Variants in EXOC4 observed in about 807,000 individuals in gnomAD.
EXOC4 encodes SEC8-like 1.
A neutral mutation model predicts 107.2 loss-of-function variants in EXOC4; 71 were observed. The observed-to-expected ratio is 0.66, with a 90% CI of 0.55 to 0.81. The LOEUF is 0.81. EXOC4 is among the 30% of genes least tolerant of loss of function. The pLI, the probability that EXOC4 is intolerant of heterozygous loss-of-function variation, is 0.00. For synonymous variants in EXOC4, 456 were observed against 441.2 expected (o/e 1.03, Z -0.42); for missense variants, 1,108 against 1,189.6 (o/e 0.93, Z 1.01).
intron 11 of EXOC4, among the ~76,000 whole-genome samples, chr7:133,862,497 A>G (rs1798555865): frequency 6.6e-6 from 1 of 152,144 alleles, no homozygotes; most frequent in African/African-American, 2.4e-5. Flanking sequence ...GGCGGGGAAA[A>G]AAAAAGAGCC....
At chr7:133,911,614 G>T (rs184767775) in intron 12 of EXOC4, among the ~76,000 whole-genome samples, 1 of 152,130 alleles carries the variant, frequency 6.6e-6, no homozygotes. Flanking sequence ...AAATATGTAA[G>T]TAAATAATGT....
chr7:134,072,701 T>C, the EXOC4 span, among the ~76,000 whole-genome samples: 1 of 152,242 alleles, frequency 6.6e-6, no homozygotes, highest in Non-Finnish European at 1.5e-5. Context: ...AAATGCCCTC[T>C]GTTGCCTCAT....
intron 11 of EXOC4, among the ~76,000 whole-genome samples, chr7:133,879,582 G>A (rs56218460): frequency 0.1 from 15,299 of 152,084 alleles, 859 homozygotes; most frequent in Middle Eastern, 0.17. Flanking sequence ...TGACAAATGA[G>A]TTTTGTCTGA....
chr7:133,274,080 T>G (rs1167155583), intron 1 of EXOC4, among the ~76,000 whole-genome samples: 1 of 152,232 alleles, frequency 6.6e-6, no homozygotes, highest in Non-Finnish European at 1.5e-5. Flanking sequence ...ACGAAGTTAT[T>G]GAAATATTTT....
chr7:133,648,878 A>G (rs1363446718), intron 10 of EXOC4, among the ~76,000 whole-genome samples: 2 of 152,220 alleles, frequency 1.3e-5, no homozygotes, highest in Admixed American at 1.3e-4. Context: ...AAAGGAAAGC[A>G]TTGGACATAT....
At chr7:134,069,838 A>G (rs1256476642), downstream of EXOC4, among the ~76,000 whole-genome samples, 1 of 152,160 alleles carries the variant, frequency 6.6e-6, no homozygotes, top group Non-Finnish European at 1.5e-5. Flanking sequence ...GACTGAGGCC[A>G]TTGAATTCAG....
chr7:133,683,061 G>C (rs941994323), intron 10 of EXOC4, among the ~76,000 whole-genome samples: 1 of 152,140 alleles, frequency 6.6e-6, no homozygotes, highest in Non-Finnish European at 1.5e-5. Flanking sequence ...TTCTCACCTT[G>C]ATTTTCTGAG....
chr7:133,399,866 C>G (rs1366257906), intron 7 of EXOC4, among the ~76,000 whole-genome samples: 1 of 152,138 alleles, frequency 6.6e-6, no homozygotes, highest in Admixed American at 6.5e-5. Context: ...TGTTTTGATG[C>G]AGGGAGAGTT....
intron 7 of EXOC4, among the ~76,000 whole-genome samples, chr7:133,444,043 C>G (rs17655422): frequency 0.015 from 2,237 of 152,240 alleles, 21 homozygotes; most frequent in Middle Eastern, 0.031. Flanking sequence ...TACTGATATC[C>G]TGGCCCAAAA....
intron 6 of EXOC4, among the ~76,000 whole-genome samples, chr7:133,360,057 C>T (rs1434660659): frequency 6.6e-6 from 1 of 152,190 alleles, no homozygotes; most frequent in Non-Finnish European, 1.5e-5. Context: ...ACCAGAACCA[C>T]CTGCTACCCA....
At chr7:134,083,011 T>C in the EXOC4 span, among the ~76,000 whole-genome samples, 1 of 152,186 alleles carries the variant, frequency 6.6e-6, no homozygotes, top group African/African-American at 2.4e-5. Context: ...AGCACTCTCA[T>C]AGACTTTGGA....
chr7:133,383,927 C>T (rs139850572), intron 7 of EXOC4, among the ~76,000 whole-genome samples: 9 of 152,244 alleles, frequency 5.9e-5, no homozygotes, highest in South Asian at 2.1e-4. Context: ...TCTTCTGTCT[C>T]GTCAGTGGAT....
chr7:133,613,468 C>T (rs1802119490), intron 9 of EXOC4, among the ~76,000 whole-genome samples: 1 of 152,194 alleles, frequency 6.6e-6, no homozygotes, highest in East Asian at 1.9e-4. Context: ...GAGAAGTGAT[C>T]TTTGGCAGTT....
chr7:133,566,244 A>T (rs748451305), intron 9 of EXOC4, among the ~76,000 whole-genome samples: 2 of 152,224 alleles, frequency 1.3e-5, no homozygotes, highest in Non-Finnish European at 2.9e-5. Flanking sequence ...CCTTAAACTC[A>T]TCTGTGCTTT....
chr7:133,554,213 A>G (rs1288004508), intron 9 of EXOC4, among the ~76,000 whole-genome samples: 1 of 152,176 alleles, frequency 6.6e-6, no homozygotes, highest in Non-Finnish European at 1.5e-5. Flanking sequence ...TGTAGACTGT[A>G]CTACTATAGA....
rs373119453 is a variant in EXOC4 at position 133,769,475 on chromosome 7, C to T, written c.1515-47850C>T. On this transcript the variant is annotated intron_variant, in intron 10 of 17. Transcript: ENST00000253861. ...TTTTTGATCCATCAAATCTTTCTGTCCTGGGGTTGTGTTTGGTTTTTATTC... is the reference window on the plus strand; with the variant it reads ...TTTTTGATCCATCAAATCTTTCTGTTCTGGGGTTGTGTTTGGTTTTTATTC... 1.2e-4 allele frequency among the ~76,000 whole-genome samples: 18 copies of T among 151,918 alleles called. No homozygotes were observed. In the East Asian group the frequency reaches 1.6e-3, roughly 13 times the overall value.
chr7:133,546,444 A>G (rs1332747801), intron 9 of EXOC4, among the ~76,000 whole-genome samples: 1 of 151,586 alleles, frequency 6.6e-6, no homozygotes, highest in East Asian at 1.9e-4. Context: ...TTTGTTTGAG[A>G]TGAGGTTTAC....
At chr7:133,692,944 C>G (rs1169119674) in intron 10 of EXOC4, among the ~76,000 whole-genome samples, 1 of 152,120 alleles carries the variant, frequency 6.6e-6, no homozygotes, top group Non-Finnish European at 1.5e-5. Flanking sequence ...TGAAGTATGT[C>G]CTGTTGTATC....
chr7:133,457,831 G>A (rs896802099), intron 7 of EXOC4, among the ~76,000 whole-genome samples: 1 of 151,934 alleles, frequency 6.6e-6, no homozygotes, highest in African/African-American at 2.4e-5. Context: ...TAGGTATTTT[G>A]GTTAGTTCTG....
Sources: allele counts gnomAD v4.1 joint callset (sites outside exome capture counted in the v4.1 genomes callset), GRCh38; gene constraint gnomAD v4.1.1; transcripts MANE v1.5; gene names NCBI Gene and HGNC (gene_info 2026-07-23, HGNC 2026-07-21).